The following SESTD1 variants were observed in gnomAD, a reference collection of about 807,000 sequenced individuals.
SESTD1 encodes the protein SEC14 domain and spectrin repeat-containing protein 1.
Under a neutral mutation model 101.7 loss-of-function variants are expected in SESTD1, and 43 were observed. The observed-to-expected ratio is 0.42, with a 90% CI of 0.33 to 0.55. The LOEUF is 0.55. Ranked by LOEUF, SESTD1 falls within the 20% of genes least tolerant of loss-of-function variation. The pLI is 0.07. For synonymous variants in SESTD1, 283 were observed against 286.8 expected, an observed-to-expected ratio of 0.99 and a Z score of 0.13; for missense variants, 647 against 815.1, an observed-to-expected ratio of 0.79 and a Z score of 2.51.
intron 1 of SESTD1, among the ~76,000 whole-genome samples, chr2:179,226,607 G>C (rs1291294013): frequency 2.6e-5 from 4 of 152,122 alleles, no homozygotes; most frequent in Non-Finnish European, 4.4e-5. Flanking sequence ...CAGATCTCCA[G>C]GTTAATAATC....
rs953209302 is a variant in SESTD1 at position 179,212,893 on chromosome 2, C to T, written c.-25-21027G>A. On this transcript the variant is annotated intron_variant, in intron 1 of 17. Transcript: ENST00000428443. ...CCTCCAGCAAACTCCAACAGACCTG[C>T]AGCTGAGGGACCTGACTGTTAGAAG... Among the ~76,000 whole-genome samples, 5 of 134,894 alleles carry T rather than the reference C, an allele frequency of 3.7e-5. 1 individual carries two copies. Among genetic ancestry groups the T allele is most frequent in the Admixed American group, 7.2e-5 (1 of 13,908 alleles). 88.5% of individuals were successfully genotyped at this position (134,894 alleles called of 152,430 possible). A position where few individuals can be genotyped will look rare whatever the true frequency, so the allele number is the denominator to read the frequency against.
chr2:179,200,908 CA>C (rs2046501102), intron 1 of SESTD1, among the ~76,000 whole-genome samples: 2 of 134,112 alleles, frequency 1.5e-5, no homozygotes, highest in African/African-American at 5.9e-5. Context: ...CAACAAAAGA[CA>C]AAATTGACAA....
Position 179,121,821 on chromosome 2 carries a change from T to C in SESTD1, c.1391A>G (p.Asn464Ser), listed in dbSNP as rs1288662328. The C allele has an allele frequency of 6.2e-7, 1 of 1,608,534 alleles. No homozygotes were observed. ...GKDVTIENKENVDHIQGVMED... is the reference protein window; with the variant it reads ...GKDVTIENKESVDHIQGVMED... ...CATCACTCCTTGTATGTGGTCCACA[T>C]TTTCTTTATTTTCAATGGTTACATC... is the stretch of plus-strand genomic sequence containing the variant. Residue 464 changes from asparagine (N) to serine (S), a missense_variant, in exon 13 of 18, where the codon AAT (asparagine) becomes AGT (serine). Around this residue, in one of 3 missense-constraint regions of SESTD1, gnomAD observed 476 missense variants for 562.6 expected, o/e 0.85. Transcript: ENST00000428443.
At chr2:179,141,268 C>T (rs1004932990) in intron 9 of SESTD1, among the ~76,000 whole-genome samples, 1 of 152,170 alleles carries the variant, frequency 6.6e-6, no homozygotes, top group Non-Finnish European at 1.5e-5. Flanking sequence ...CCTAGGTGGG[C>T]AACACCATTA....
chr2:179,162,568 AGACATTATTAC>A (rs2105463904), intron 5 of SESTD1: 1 of 148,052 alleles, frequency 6.8e-6, no homozygotes, highest in Admixed American at 6.6e-5. Context: ...AGAAACAGGC[AGACATTATTAC>A]TGAGTGTTCT....
chr2:179,244,114 T>A (rs1389077991), intron 1 of SESTD1, among the ~76,000 whole-genome samples: 1 of 151,182 alleles, frequency 6.6e-6, no homozygotes, highest in African/African-American at 2.4e-5. Context: ...CAGTACAAGA[T>A]TCTGTCTCTA....
chr2:179,162,841 AT>A (rs759811272), intron 5 of SESTD1, among the ~76,000 whole-genome samples: 1,754 of 122,986 alleles, frequency 0.014, 10 homozygotes, highest in Middle Eastern at 0.043. Flanking sequence ...AAAAAAAAAA[AT>A]TAGCTGGGCG....
chr2:179,221,662 A>C (rs1033406304), intron 1 of SESTD1, among the ~76,000 whole-genome samples: 7 of 150,494 alleles, frequency 4.7e-5, no homozygotes, highest in Admixed American at 6.6e-5. Flanking sequence ...TCATGCCTGT[A>C]ATCTCAGCAC....
chr2:179,167,642 A>G (rs952417393), intron 5 of SESTD1, among the ~76,000 whole-genome samples: 7 of 152,230 alleles, frequency 4.6e-5, no homozygotes, highest in African/African-American at 4.8e-5. Context: ...GAAGGGGGAA[A>G]AAAAGGCAAA....
intron 5 of SESTD1, among the ~76,000 whole-genome samples, chr2:179,171,752 T>C (rs920466894): frequency 1.3e-5 from 2 of 152,178 alleles, no homozygotes; most frequent in Admixed American, 6.5e-5. Context: ...AAAATAATTA[T>C]GACATGTCAC....
intron 4 of SESTD1, among the ~76,000 whole-genome samples, chr2:179,172,727 A>G (rs1374528585): frequency 1.3e-5 from 2 of 152,204 alleles, no homozygotes; most frequent in South Asian, 2.1e-4. Flanking sequence ...ACAAAAAGCT[A>G]ATCTTTGACG....
rs1269069035 is a variant in SESTD1, at chr2:179,210,474, T to A, written c.-25-18608A>T. On this transcript the variant is annotated intron_variant, in intron 1 of 17. Coordinates refer to ENST00000428443, the MANE Select transcript of SESTD1 (RefSeq NM_178123.5). ...TGAACCCAATAGCATATCAAAAAGA[T>A]AATACACCATGACCAAGTGGGTTTC... Among the ~76,000 whole-genome samples, 6 of 134,966 alleles carry A rather than the reference T, an allele frequency of 4.4e-5. 2 individuals carry two copies. The highest frequency in any genetic ancestry group is 1.8e-4 in the African/African-American group (6 of 34,180). 88.5% of individuals were successfully genotyped at this position (134,966 alleles called of 152,430 possible).
In SESTD1 at chr2:179,211,111, G is replaced by A. The variant is rs1254905687; in HGVS notation, c.-25-19245C>T. On this transcript the variant is annotated intron_variant, in intron 1 of 17. Transcript: ENST00000428443. ...AAAAGGAATATACCTAACCAAGGAA[G>A]TGAAAGATCTCTACAAGGAAAACTA... 1.5e-5 allele frequency among the ~76,000 whole-genome samples: 2 copies of A among 131,608 alleles called. 1 individual carries two copies. Among genetic ancestry groups the A allele is most frequent in the Non-Finnish European group, 3.2e-5 (2 of 61,958 alleles). 86.3% of individuals were successfully genotyped at this position (131,608 alleles called of 152,430 possible).
At chr2:179,202,421 T>A (rs1182761682) in intron 1 of SESTD1, among the ~76,000 whole-genome samples, 1 of 134,536 alleles carries the variant, frequency 7.4e-6, no homozygotes, top group African/African-American at 2.9e-5. Context: ...TCAAAAAATT[T>A]AAGCAATGTT....
At chr2:179,110,502 A>G (rs978895163) in intron 17 of SESTD1, among the ~76,000 whole-genome samples, 1 of 152,250 alleles carries the variant, frequency 6.6e-6, no homozygotes, top group African/African-American at 2.4e-5. Flanking sequence ...AAGATACTGT[A>G]TTCAGAATCA....
At chr2:179,197,236 A>G (rs57103880) in intron 1 of SESTD1, among the ~76,000 whole-genome samples, 1,628 of 152,228 alleles carry the variant, frequency 0.011, 26 homozygotes, top group African/African-American at 0.038. Flanking sequence ...GAATGAAATG[A>G]AGCGAGAAGG....
At chr2:179,110,132 T>C (rs2044475940) in intron 17 of SESTD1, 104 bp from the exon 18 acceptor site, 1 of 1,113,572 alleles carries the variant, frequency 9.0e-7, no homozygotes, top group Non-Finnish European at 1.3e-6. Context: ...CTACATGAGA[T>C]AGCCTATGTG....
At chr2:179,228,077 G>A (rs911335738) in intron 1 of SESTD1, among the ~76,000 whole-genome samples, 21 of 152,056 alleles carry the variant, frequency 1.4e-4, no homozygotes, top group African/African-American at 2.2e-4. Flanking sequence ...CCCTTCCCTC[G>A]TAGGAATCTA....
chr2:179,231,327 AAG>A lies in SESTD1; in HGVS notation c.-26+33170_-26+33171del, dbSNP rs566708941. Among the ~76,000 whole-genome samples, 26 of 152,280 alleles carry A rather than the reference AAG, an allele frequency of 1.7e-4. 1 individual carries two copies. The South Asian group carries it at 4.8e-3, about 28-fold the overall frequency. ...ATAATGCAACTGAAGAAAATGGAAA[AAG>A]AGAAAAAGAAAAATGTAAAATAAAC... On this transcript the variant is annotated intron_variant, in intron 1 of 17. Transcript: ENST00000428443.
Sources: allele counts gnomAD v4.1 joint callset (sites outside exome capture counted in the v4.1 genomes callset), GRCh38; gene constraint gnomAD v4.1.1; regional missense constraint gnomAD v4.1.1; transcripts MANE v1.5; gene names NCBI Gene and HGNC (gene_info 2026-07-23, HGNC 2026-07-21).